Variants in STPG2 observed in about 807,000 individuals in gnomAD.
STPG2 encodes the protein sperm tail PG-rich repeat containing 2.
STPG2 carries 56 observed loss-of-function variants against 54.2 expected under a neutral mutation model. That is an observed-to-expected ratio of 1.03 (90% CI 0.83 to 1.29). The LOEUF (loss-of-function observed/expected upper bound fraction) is 1.29. Among genes scored for constraint, STPG2 ranks in the 50% most tolerant of loss-of-function variants. The probability of loss-of-function intolerance (pLI) is 0.00; values close to 1 mark genes in which losing one functional copy is unlikely to be tolerated. For synonymous variants in STPG2, 200 were observed against 181.8 expected (o/e 1.10, Z -0.81); for missense variants, 596 against 544.9 (o/e 1.09, Z -0.93).
intron 4 of STPG2, among the ~76,000 whole-genome samples, chr4:97,450,401 T>G (rs1015957414): frequency 6.6e-6 from 1 of 151,992 alleles, no homozygotes; most frequent in Non-Finnish European, 1.5e-5. Context: ...TTACCAATAA[T>G]GAGATAATCA....
At chr4:97,854,315 T>C (rs1287925221) in intron 8 of STPG2, among the ~76,000 whole-genome samples, 1 of 152,016 alleles carries the variant, frequency 6.6e-6, no homozygotes, top group African/African-American at 2.4e-5. Context: ...TATTTCTCAA[T>C]TTTCTCATCT....
intron 10 of STPG2, among the ~76,000 whole-genome samples, chr4:97,595,456 G>A (rs1056362393): frequency 6.6e-6 from 1 of 152,048 alleles, no homozygotes; most frequent in Non-Finnish European, 1.5e-5. Flanking sequence ...TCATGGGGTA[G>A]GGGGAGAGGG....
At chr4:97,705,970 C>T (rs1430439489) in intron 10 of STPG2, among the ~76,000 whole-genome samples, 2 of 151,942 alleles carry the variant, frequency 1.3e-5, no homozygotes, top group Non-Finnish European at 2.9e-5. Flanking sequence ...GTAATACATG[C>T]TTTTTTCAGT....
intron 5 of STPG2, among the ~76,000 whole-genome samples, chr4:98,005,522 G>A (rs1481867472): frequency 6.6e-6 from 1 of 152,150 alleles, no homozygotes; most frequent in Non-Finnish European, 1.5e-5. Context: ...TTAGCTGTGA[G>A]TTTGTCATAT....
At chr4:97,760,554 C>G (rs165240) in intron 9 of STPG2, among the ~76,000 whole-genome samples, 24,482 of 151,948 alleles carry the variant, frequency 0.16, 2,144 homozygotes, top group East Asian at 0.36. Flanking sequence ...TCCATCCAAC[C>G]CTACAAGTCA....
chr4:98,138,802 C>CT (rs1740202631), intron 1 of STPG2, among the ~76,000 whole-genome samples: 2 of 152,070 alleles, frequency 1.3e-5, no homozygotes, highest in African/African-American at 4.8e-5. Context: ...AACCACTCCC[C>CT]CACCAAAAAA....
intron 4 of STPG2, among the ~76,000 whole-genome samples, chr4:97,477,653 TTTTTC>T (rs1273876365): frequency 1.3e-3 from 203 of 151,396 alleles, no homozygotes; most frequent in African/African-American, 4.7e-3. Context: ...ATTTTTTTTT[TTTTTC>T]TTTTTGTATT....
At chr4:97,863,870 T>C (rs1352072169) in intron 8 of STPG2, among the ~76,000 whole-genome samples, 1 of 152,174 alleles carries the variant, frequency 6.6e-6, no homozygotes, top group Non-Finnish European at 1.5e-5. Context: ...TCTCAATAGA[T>C]GCAGAAAAGG....
In STPG2 at chr4:97,835,552, G is replaced by C. The variant is rs189451282; in HGVS notation, c.1204+5221C>G. On this transcript the variant is annotated intron_variant, in intron 9 of 10. Transcript: ENST00000295268. ...CAAGAGCTCTGATGGAGATGCACAA[G>C]GAAATTAGTGTTATTTTCATGCCTG... Among the ~76,000 whole-genome samples the C allele has an allele frequency of 3.3e-3, 499 of 152,168 alleles. 2 individuals carry two copies. The highest frequency in any genetic ancestry group is 5.7e-3 in the Non-Finnish European group (389 of 67,984).
chr4:97,666,154 G>A (rs1453654258), intron 10 of STPG2, among the ~76,000 whole-genome samples: 1 of 152,144 alleles, frequency 6.6e-6, no homozygotes, highest in African/African-American at 2.4e-5. Context: ...GGCTGCAGTT[G>A]CACCCAGGGA....
At chr4:97,912,898 T>A (rs1250402415) in intron 8 of STPG2, among the ~76,000 whole-genome samples, 1 of 152,168 alleles carries the variant, frequency 6.6e-6, no homozygotes, top group Non-Finnish European at 1.5e-5. Context: ...TACCATAAAA[T>A]GGAGACATCT....
At chr4:98,012,919 C>A (rs535338811) in intron 5 of STPG2, among the ~76,000 whole-genome samples, 1 of 152,308 alleles carries the variant, frequency 6.6e-6, no homozygotes, top group Admixed American at 6.5e-5. Context: ...GACTTTCTCT[C>A]TTCCTATCTG....
intron 5 of STPG2, among the ~76,000 whole-genome samples, chr4:98,062,480 A>G (rs1737693781): frequency 6.6e-6 from 1 of 152,210 alleles, no homozygotes; most frequent in African/African-American, 2.4e-5. Context: ...AAAAACTTGT[A>G]TTTGGAATAA....
intron 10 of STPG2, among the ~76,000 whole-genome samples, chr4:97,600,060 A>G (rs904159099): frequency 6.6e-6 from 1 of 152,018 alleles, no homozygotes; most frequent in South Asian, 2.1e-4. Context: ...ACACAAAGGG[A>G]AAAACAACAA....
rs996169390 is a variant in STPG2, at chr4:97,497,182, G to A, written c.462+215517C>T. On this transcript the variant is annotated intron_variant, in intron 4 of 4. Coordinates refer to the STPG2 transcript ENST00000522676. ...TCAAAACAGAAAATAACACAAGCAG[G>A]CAGCATATACACTAACGACTACTTG... 2.6e-5 allele frequency among the ~76,000 whole-genome samples: 4 copies of A among 151,450 alleles called. No individual in the cohort carries two copies. The Admixed American group carries it at 2.6e-4, about 10-fold the overall frequency.
intron 5 of STPG2, among the ~76,000 whole-genome samples, chr4:98,069,612 C>T (rs72686481): frequency 2.6e-5 from 4 of 152,156 alleles, no homozygotes; most frequent in Non-Finnish European, 4.4e-5. Flanking sequence ...TGAGTTCTAA[C>T]TGTTGAGAGA....
At chr4:97,494,158 A>G (rs143689264) in intron 4 of STPG2, among the ~76,000 whole-genome samples, 1 of 151,730 alleles carries the variant, frequency 6.6e-6, no homozygotes, top group African/African-American at 2.4e-5. Context: ...ATAATTTGGT[A>G]TCTAGAAAAC....
At chr4:97,712,589 C>T (rs1724158022) in intron 10 of STPG2, 110 bp downstream of exon 10, 1 of 629,510 alleles carries the variant, frequency 1.6e-6, no homozygotes, top group South Asian at 6.3e-5. Flanking sequence ...TTTCATTAAT[C>T]AGCAATGTGA....
chr4:97,985,830 C>A (rs1247514180), intron 5 of STPG2, among the ~76,000 whole-genome samples: 1 of 152,030 alleles, frequency 6.6e-6, no homozygotes, highest in Non-Finnish European at 1.5e-5. Flanking sequence ...ATCAGATTAA[C>A]AGAAATAGTA....
Sources: gnomAD v4.1 joint callset for allele counts (sites outside exome capture counted in the v4.1 genomes callset) on GRCh38, gnomAD v4.1.1 for gene constraint, MANE v1.5 for transcripts, NCBI Gene and HGNC (gene_info 2026-07-23, HGNC 2026-07-21) for gene names.